SIPA1L3: variants seen among roughly 807,000 people sequenced by gnomAD.
The protein encoded by SIPA1L3 is signal-induced proliferation-associated 1-like protein 3.
A neutral mutation model predicts 150.1 loss-of-function variants in SIPA1L3; 59 were observed. The observed-to-expected ratio is 0.39, with a 90% CI of 0.32 to 0.49. The LOEUF (loss-of-function observed/expected upper bound fraction) is 0.49. Ranked by LOEUF, SIPA1L3 falls within the 20% of genes least tolerant of loss-of-function variation. The pLI is 0.86. For synonymous variants in SIPA1L3, 1,070 were observed against 1,077.6 expected (o/e 0.99, Z 0.14); for missense variants, 2,211 against 2,489.5 (o/e 0.89, Z 2.38).
rs181963185 is a variant in SIPA1L3 at position 37,985,360 on chromosome 19, T to C, written c.-378-43729T>C. Among the ~76,000 whole-genome samples, 20 of 152,192 alleles carry C rather than the reference T, an allele frequency of 1.3e-4. No individual in the cohort carries two copies. In the East Asian group the frequency reaches 3.9e-3, roughly 29 times the overall value. On this transcript the variant is annotated intron_variant, in intron 1 of 21. Transcript: ENST00000222345. ...GTCATGTGCCACCATGCCCAGCCAA[T>C]TTTACGAAGAAAATTGTTTTAGTCA...
At chr19:38,118,718 C>G (rs1469674582) in intron 8 of SIPA1L3, among the ~76,000 whole-genome samples, 1 of 151,640 alleles carries the variant, frequency 6.6e-6, no homozygotes, top group East Asian at 2.0e-4. Context: ...ATTTTTAGTA[C>G]AGACGGGGCT....
At position 37,940,310 on chromosome 19, in the gene SIPA1L3, C is replaced by CA. The variant is rs535337658; in HGVS notation, c.-379+32961dup. ...AAAAACAAACAAACAAAAAAAAAAA[C>CA]AAAAAAAAAGCTTTACCTCTTACTA... On this transcript the variant is annotated intron_variant, in intron 1 of 21. Coordinates refer to ENST00000222345, the MANE Select transcript of SIPA1L3 (RefSeq NM_015073.3). 8.4e-4 allele frequency among the ~76,000 whole-genome samples: 123 copies of CA among 147,038 alleles called. 1 individual carries two copies. In the South Asian group the frequency reaches 0.013, roughly 16 times the overall value.
intron 2 of SIPA1L3, among the ~76,000 whole-genome samples, chr19:38,052,060 A>G (rs909704008): frequency 6.6e-6 from 1 of 152,212 alleles, no homozygotes. Context: ...CAAATCTCGA[A>G]CATTGTATCA....
rs767862560 is a variant in SIPA1L3 at position 38,141,325 on chromosome 19, C to A, written c.3285C>A (p.Ala1095=). 2.5e-6 allele frequency: 4 copies of A among 1,614,064 alleles called. No individual in the cohort carries two copies. Among genetic ancestry groups the A allele is most frequent in the Non-Finnish European group, 3.4e-6 (4 of 1,179,996 alleles). ...SGPASHNSLP[A]SKWATPTTPG... ...CCGCATCCCATAACTCTCTACCAGC[C>A]TCCAAGTGGGCCACTCCAACCACTC... The change falls in exon 11 of 22, where the codon GCC becomes GCA. Residue 1095 remains alanine, a synonymous_variant. Coordinates refer to ENST00000222345, the MANE Select transcript of SIPA1L3 (RefSeq NM_015073.3).
At chr19:38,052,321 G>A (rs1433680745) in intron 2 of SIPA1L3, among the ~76,000 whole-genome samples, 5 of 152,192 alleles carry the variant, frequency 3.3e-5, no homozygotes, top group Non-Finnish European at 5.9e-5. Flanking sequence ...GGGAGGAGCA[G>A]AGAAACCAAA....
chr19:37,931,735 C>G (rs2046555668), intron 1 of SIPA1L3, among the ~76,000 whole-genome samples: 1 of 152,046 alleles, frequency 6.6e-6, no homozygotes, highest in Non-Finnish European at 1.5e-5. Context: ...GCCTGGGTGA[C>G]AGAGCAAGAC....
Position 38,055,557 on chromosome 19 carries a change from G to A in SIPA1L3, c.-310-25699G>A, listed in dbSNP as rs145334015. Among the ~76,000 whole-genome samples the A allele has an allele frequency of 1.2e-4, 19 of 152,322 alleles. 1 individual carries two copies. Among genetic ancestry groups the A allele is most frequent in the South Asian group, 2.1e-4 (1 of 4,822 alleles). On this transcript the variant is annotated intron_variant, in intron 2 of 21. Transcript: ENST00000222345. Reference sequence around the variant, plus strand: ...TCAGATACATCCTTAGTTTAGCTGCGTGGGAATCCAGGAAAGTAAGCTTTT... The same window carrying A: ...TCAGATACATCCTTAGTTTAGCTGCATGGGAATCCAGGAAAGTAAGCTTTT...
chr19:38,084,223 GAA>G (rs1004355733), intron 3 of SIPA1L3, among the ~76,000 whole-genome samples: 2 of 152,000 alleles, frequency 1.3e-5, no homozygotes, highest in African/African-American at 4.8e-5. Flanking sequence ...TCCAGGCAGA[GAA>G]AAAGAGGAAA....
rs138989527 is a variant in SIPA1L3 at position 38,182,712 on chromosome 19, C to T, written c.4402C>T (p.Arg1468Trp). Reference protein sequence around the residue: ...GWKRTEEPPPRPLPFSDPKKQ... With the variant: ...GWKRTEEPPPWPLPFSDPKKQ... ...GAAGAGAACGGAGGAGCCCCCACCACGGCCACTCCCCTTCAGTGACCCAAA... is the reference window on the plus strand; with the variant it reads ...GAAGAGAACGGAGGAGCCCCCACCATGGCCACTCCCCTTCAGTGACCCAAA... The change falls in exon 16 of 22, where the codon CGG becomes TGG. Residue 1468 changes from arginine to tryptophan, a missense_variant. Arg to Trp is a moderately radical substitution (Grantham distance 101). Around this residue, in one of 5 missense-constraint regions of SIPA1L3, gnomAD observed 806 missense variants for 870.1 expected, o/e 0.93. Coordinates refer to ENST00000222345, the MANE Select transcript of SIPA1L3 (RefSeq NM_015073.3). 2.8e-5 allele frequency: 45 copies of T among 1,613,676 alleles called. No homozygotes were observed. Among genetic ancestry groups the T allele is most frequent in the African/African-American group, 1.6e-4 (12 of 75,048 alleles).
At chr19:37,960,570 AT>A (rs890175676) in intron 1 of SIPA1L3, among the ~76,000 whole-genome samples, 112 of 146,270 alleles carry the variant, frequency 7.7e-4, no homozygotes, top group Non-Finnish European at 7.1e-4. Flanking sequence ...CGCCTGGCTA[AT>A]TTTTTTTTTT....
intron 10 of SIPA1L3, among the ~76,000 whole-genome samples, chr19:38,134,731 A>AAG (rs1568568991): frequency 7.4e-6 from 1 of 134,654 alleles, no homozygotes. Context: ...AAAAAAAAAA[A>AAG]AGGCACGTGG....
rs375432791 is a variant in SIPA1L3, at chr19:38,142,685, G to A, written c.3508G>A (p.Val1170Met). The A allele has an allele frequency of 1.1e-5, 17 of 1,613,816 alleles. No individual in the cohort carries two copies. The highest frequency in any genetic ancestry group is 2.2e-5 in the East Asian group (1 of 44,894). Residue 1170 changes from valine (V) to methionine (M), a missense_variant, in exon 12 of 22, where the codon GTG becomes ATG. By Grantham distance (21) the Val-to-Met change is conservative (BLOSUM62 1). Around this residue, in one of 5 missense-constraint regions of SIPA1L3, gnomAD observed 806 missense variants for 870.1 expected, o/e 0.93. Coordinates refer to ENST00000222345, the MANE Select transcript of SIPA1L3 (RefSeq NM_015073.3). ...CTCCACCCCCGGTTCGGCCACCTACGTGAGATACAAGCCATCCCCAGAAAG... is the reference window on the plus strand; with the variant it reads ...CTCCACCCCCGGTTCGGCCACCTACATGAGATACAAGCCATCCCCAGAAAG... ...SFSTPGSATY[V>M]RYKPSPERYT...
intron 16 of SIPA1L3, among the ~76,000 whole-genome samples, chr19:38,183,374 G>C (rs552787226): frequency 3.3e-5 from 5 of 152,058 alleles, no homozygotes; most frequent in Admixed American, 3.3e-4. Context: ...GGCGGAGAGG[G>C]TGAGAAGGGG....
At chr19:38,069,407 T>C (rs1969665686) in intron 2 of SIPA1L3, among the ~76,000 whole-genome samples, 1 of 152,166 alleles carries the variant, frequency 6.6e-6, no homozygotes, top group Non-Finnish European at 1.5e-5. Flanking sequence ...ACACCTGCGC[T>C]CCAGCCTCCC....
At position 38,162,305 on chromosome 19, in the gene SIPA1L3, C is replaced by T. The variant is rs147471949; in HGVS notation, c.3714C>T (p.Ser1238=). 6 of 1,614,224 alleles carry T rather than the reference C, an allele frequency of 3.7e-6. No homozygotes were observed. Among genetic ancestry groups the T allele is most frequent in the Middle Eastern group, 1.6e-4 (1 of 6,062 alleles). The change falls in exon 14 of 22, where the codon AGC becomes AGT. Residue 1238 remains serine, a synonymous_variant. Transcript: ENST00000222345. ...AQARLSAIAG[S]SGNKHPSRQD... is the part of the protein sequence containing the mutation. ...CCAGGCTCTCAGCCATAGCCGGAAG[C>T]AGCGGGAACAAGCACCCGTCCAGGC...
At chr19:37,965,880 T>A (rs1382033734) in intron 1 of SIPA1L3, among the ~76,000 whole-genome samples, 1 of 152,146 alleles carries the variant, frequency 6.6e-6, no homozygotes, top group African/African-American at 2.4e-5. Context: ...GTTCTGTGTT[T>A]GGGCATTGCC....
At chr19:37,978,240 C>T (rs1178310666) in intron 1 of SIPA1L3, among the ~76,000 whole-genome samples, 2 of 152,190 alleles carry the variant, frequency 1.3e-5, no homozygotes, top group Non-Finnish European at 2.9e-5. Context: ...AGCTTCCTCA[C>T]GTCACAAGGC....
chr19:37,934,602 C>A (rs1475378336), intron 1 of SIPA1L3, among the ~76,000 whole-genome samples: 1 of 152,130 alleles, frequency 6.6e-6, no homozygotes, highest in Non-Finnish European at 1.5e-5. Context: ...AAAGACAATT[C>A]TTTTTAAGAA....
At chr19:38,059,832 A>G (rs1483256560) in intron 2 of SIPA1L3, among the ~76,000 whole-genome samples, 3 of 151,734 alleles carry the variant, frequency 2.0e-5, no homozygotes, top group Non-Finnish European at 2.9e-5. Flanking sequence ...GCTGGAGTGC[A>G]GTAGTGCAAT....
Sources: gnomAD v4.1 joint callset for allele counts (sites outside exome capture counted in the v4.1 genomes callset) on GRCh38, gnomAD v4.1.1 for gene constraint, gnomAD v4.1.1 regional missense constraint, MANE v1.5 for transcripts, NCBI Gene and HGNC (gene_info 2026-07-23, HGNC 2026-07-21) for gene names.